Variants in RALGAPA1 observed in about 807,000 individuals in gnomAD.
RALGAPA1 encodes ral GTPase-activating protein subunit alpha-1.
Under a neutral mutation model 269.6 loss-of-function variants are expected in RALGAPA1, and 52 were observed. The observed-to-expected ratio is 0.19, with a 90% confidence interval of 0.15 to 0.24. The LOEUF (loss-of-function observed/expected upper bound fraction) is 0.24. Among genes scored for constraint, RALGAPA1 ranks in the 10% least tolerant of loss-of-function variants. RALGAPA1 has a pLI of 1.00. For missense variants in RALGAPA1, 1,917 were observed against 3,013.9 expected (o/e 0.64, Z 8.52); for synonymous variants, 817 against 1,008.3 (o/e 0.81, Z 3.60).
intron 35 of RALGAPA1, among the ~76,000 whole-genome samples, chr14:35,618,971 A>C (rs1373603249): frequency 6.7e-6 from 1 of 150,042 alleles, no homozygotes; most frequent in Non-Finnish European, 1.5e-5. Flanking sequence ...TGAATATCCA[A>C]TCAAATACCA....
intron 16 of RALGAPA1, among the ~76,000 whole-genome samples, chr14:35,721,426 C>T (rs60170700): frequency 0.018 from 2,785 of 152,112 alleles, 84 homozygotes; most frequent in African/African-American, 0.063. Context: ...TCTTCAATTC[C>T]GTAAAATAAC....
chr14:35,564,558 T>TC (rs1260747471), intron 39 of RALGAPA1: 2 of 152,124 alleles, frequency 1.3e-5, no homozygotes, highest in Non-Finnish European at 2.9e-5. Context: ...TCTGGTAATC[T>TC]CCCTGATCAA....
At chr14:35,755,017 A>T (rs1330149986) in intron 7 of RALGAPA1, among the ~76,000 whole-genome samples, 1 of 152,174 alleles carries the variant, frequency 6.6e-6, no homozygotes, top group Non-Finnish European at 1.5e-5. Flanking sequence ...GGATGTCTAA[A>T]GATAAAATGG....
Position 35,595,699 on chromosome 14 carries a change from C to T in RALGAPA1, c.7144G>A (p.Val2382Ile). 6.2e-7 allele frequency: 1 copy of T among 1,612,728 alleles called. No homozygotes were observed. The highest frequency in any genetic ancestry group is 8.5e-7 in the Non-Finnish European group (1 of 1,178,992). ...GTTGACACGTGAAATATTACCTCTA[C>T]TGTAGAGGTAGCAAAATATGGAGTG... The part of the protein sequence containing the change: ...LTTPYFATST[V>I]EVIFHVSTRM... The change falls in exon 37 of 42, where the codon GTA becomes ATA. Residue 2382 changes from valine (V) to isoleucine (I), a missense_variant. Coordinates refer to ENST00000680220, the MANE Select transcript of RALGAPA1 (RefSeq NM_001346249.2).
chr14:35,779,542 A>AATG (rs2075292379), intron 1 of RALGAPA1, among the ~76,000 whole-genome samples: 1 of 151,138 alleles, frequency 6.6e-6, no homozygotes, highest in Non-Finnish European at 1.5e-5. Context: ...TAATAATAAT[A>AATG]ATAATAATGA....
At chr14:35,551,836 A>C (rs753858514) in intron 39 of RALGAPA1, among the ~76,000 whole-genome samples, 9 of 152,138 alleles carry the variant, frequency 5.9e-5, no homozygotes, top group Non-Finnish European at 5.9e-5. Context: ...TATAAAAAAT[A>C]TATTTAATAC....
chr14:35,740,612 G>C (rs920981708), intron 11 of RALGAPA1, among the ~76,000 whole-genome samples: 2 of 152,086 alleles, frequency 1.3e-5, no homozygotes, highest in Non-Finnish European at 2.9e-5. Flanking sequence ...TTCAAGACCA[G>C]CTGGGAAACA....
chr14:35,674,534 A>C lies in RALGAPA1; in HGVS notation c.4800T>G (p.Leu1600=). The change falls in exon 23 of 42, where the codon CTT becomes CTG. Residue 1600 remains leucine (L), a synonymous_variant. Coordinates refer to ENST00000680220, the MANE Select transcript of RALGAPA1 (RefSeq NM_001346249.2). ...HAQVFDYLCE[L]WQNLAKIRDN... is the part of the protein sequence containing the mutation. The stretch of plus-strand genomic sequence containing the variant: ...TTTTTACCTTAGCTAGATTCTGCCA[A>C]AGTTCACAGAGGTAATCAAAAACTT... 6.2e-7 allele frequency: 1 copy of C among 1,604,316 alleles called. No homozygotes were observed. Among genetic ancestry groups the C allele is most frequent in the South Asian group, 1.1e-5 (1 of 88,060 alleles).
Position 35,737,549 on chromosome 14 carries a change from G to A in RALGAPA1, c.1587+964C>T, listed in dbSNP as rs146444122. On this transcript the variant is annotated intron_variant, in intron 12 of 41. Transcript: ENST00000680220. ...AGGCAGGTGGATTACCTGAGGTCAGGAGTTTGAGACCAGCTTGGCCAACAT... is the reference window on the plus strand; with the variant it reads ...AGGCAGGTGGATTACCTGAGGTCAGAAGTTTGAGACCAGCTTGGCCAACAT... 4.3e-3 allele frequency among the ~76,000 whole-genome samples: 650 copies of A among 151,860 alleles called. 7 individuals carry two copies. Among genetic ancestry groups the A allele is most frequent in the African/African-American group, 0.015 (625 of 41,372 alleles).
Position 35,786,510 on chromosome 14 carries a change from C to T in RALGAPA1, c.107-10765G>A, listed in dbSNP as rs916554611. Among the ~76,000 whole-genome samples, 47 of 151,802 alleles carry T rather than the reference C, an allele frequency of 3.1e-4. 1 individual carries two copies. In the Middle Eastern group the frequency reaches 0.021, roughly 66 times the overall value. On this transcript the variant is annotated intron_variant, in intron 1 of 41. Coordinates refer to ENST00000680220, the MANE Select transcript of RALGAPA1 (RefSeq NM_001346249.2). ...AAAATTAGCCGGGCGTGCTGGCAGG[C>T]GCCTGTAGTCCCAGCTACTCGGGAG...
intron 37 of RALGAPA1, among the ~76,000 whole-genome samples, chr14:35,574,640 T>C (rs1203616210): frequency 6.6e-6 from 1 of 152,174 alleles, no homozygotes. Flanking sequence ...ATCTCTTACA[T>C]AGTAATTAGA....
chr14:35,565,504 GA>G (rs1255263838), intron 39 of RALGAPA1, among the ~76,000 whole-genome samples: 1 of 152,006 alleles, frequency 6.6e-6, no homozygotes, highest in African/African-American at 2.4e-5. Context: ...TACTTTAAGA[GA>G]AAACACTGAG....
intron 16 of RALGAPA1, among the ~76,000 whole-genome samples, chr14:35,718,033 C>G (rs1450277571): frequency 6.6e-6 from 1 of 152,124 alleles, no homozygotes; most frequent in Non-Finnish European, 1.5e-5. Context: ...CCATTCAGGT[C>G]TTTGTTCTTA....
At chr14:35,775,261 TA>T (rs1186824810) in intron 2 of RALGAPA1, among the ~76,000 whole-genome samples, 5 of 152,172 alleles carry the variant, frequency 3.3e-5, no homozygotes, top group Non-Finnish European at 7.3e-5. Context: ...TCCACATATT[TA>T]TGTCTAGAAA....
At chr14:35,622,058 T>C (rs757704760) in intron 35 of RALGAPA1, among the ~76,000 whole-genome samples, 1 of 152,162 alleles carries the variant, frequency 6.6e-6, no homozygotes, top group Non-Finnish European at 1.5e-5. Flanking sequence ...TAAAGACACA[T>C]GTACACATAT....
intron 5 of RALGAPA1, among the ~76,000 whole-genome samples, chr14:35,762,314 G>A (rs1052697033): frequency 6.6e-6 from 1 of 151,846 alleles, no homozygotes; most frequent in Non-Finnish European, 1.5e-5. Flanking sequence ...GGAGTGCATC[G>A]GCTTGATCTC....
rs1016742763 is a variant in RALGAPA1, at chr14:35,691,087, A to C, written c.2408-1084T>G. On this transcript the variant is annotated intron_variant, in intron 17 of 41. Transcript: ENST00000680220. The stretch of plus-strand genomic sequence containing the variant: ...TCCGTCTCAAATAATAATAATAATA[A>C]TAATTATTATTATTATTATAGATGG... 4.0e-5 allele frequency among the ~76,000 whole-genome samples: 6 copies of C among 149,492 alleles called. No homozygotes were observed. The East Asian group carries it at 1.2e-3, about 29-fold the overall frequency.
At chr14:35,591,634 A>AT (rs1367584106) in intron 37 of RALGAPA1, among the ~76,000 whole-genome samples, 1 of 151,974 alleles carries the variant, frequency 6.6e-6, no homozygotes. Context: ...TTTCTGTTTT[A>AT]TTTTTTCCTC....
chr14:35,592,717 T>C (rs2058711737), intron 37 of RALGAPA1, among the ~76,000 whole-genome samples: 1 of 152,214 alleles, frequency 6.6e-6, no homozygotes, highest in Admixed American at 6.5e-5. Flanking sequence ...TCAATTGATG[T>C]GATACACCAC....
Sources: gnomAD v4.1 joint callset for allele counts (sites outside exome capture counted in the v4.1 genomes callset) on GRCh38, gnomAD v4.1.1 for gene constraint, MANE v1.5 for transcripts, NCBI Gene and HGNC (gene_info 2026-07-23, HGNC 2026-07-21) for gene names.